TNFRSF21: variants seen among roughly 807,000 people sequenced by gnomAD.
The protein encoded by TNFRSF21 is TNF receptor superfamily member 21.
A neutral mutation model predicts 45.6 loss-of-function variants in TNFRSF21; 19 were observed. The ratio of observed to expected loss-of-function variants is 0.42; its 90% CI spans 0.29 to 0.61. The LOEUF (loss-of-function observed/expected upper bound fraction) is 0.61, where lower values mean the gene tolerates loss of function less well. Ranked by LOEUF, TNFRSF21 falls within the 20% of genes least tolerant of loss-of-function variation. The probability of loss-of-function intolerance (pLI) is 0.23; values close to 1 mark genes in which losing one functional copy is unlikely to be tolerated. For synonymous variants in TNFRSF21, 314 were observed against 335.5 expected (o/e 0.94, Z 0.70); for missense variants, 737 against 851.5 (o/e 0.87, Z 1.67).
At position 47,280,409 on chromosome 6, in the gene TNFRSF21, C is replaced by T. The variant is rs187980338; in HGVS notation, c.1243+3529G>A. 4.6e-4 allele frequency among the ~76,000 whole-genome samples: 70 copies of T among 152,324 alleles called. 1 individual carries two copies. Among genetic ancestry groups the T allele is most frequent in the African/African-American group, 1.7e-3 (69 of 41,576 alleles). On this transcript the variant is annotated intron_variant, in intron 3 of 5. Transcript: ENST00000296861. ...CTGGAATAGCTTTACTAAACAGAAC[C>T]TCTCTTTGTAATAGGATTTTACCCG...
chr6:47,279,517 T>G (rs1762538905), intron 3 of TNFRSF21, among the ~76,000 whole-genome samples: 4 of 152,220 alleles, frequency 2.6e-5, no homozygotes. Context: ...ATCTTTACTT[T>G]TGTTCTTTTG....
rs189648844 is a variant in TNFRSF21, at chr6:47,256,323, A to G, written c.1244-2802T>C. Reference sequence around the variant, plus strand: ...TGGATCGCTTGAGTCCAGGAGTTTGAGACCAGCCTGGGCAACATGGTGAAA... The same window carrying G: ...TGGATCGCTTGAGTCCAGGAGTTTGGGACCAGCCTGGGCAACATGGTGAAA... On this transcript the variant is annotated intron_variant, in intron 3 of 5. Coordinates refer to ENST00000296861, the MANE Select transcript of TNFRSF21 (RefSeq NM_014452.5). 3.3e-3 allele frequency among the ~76,000 whole-genome samples: 498 copies of G among 152,310 alleles called. 14 individuals are homozygous for G. In the East Asian group the frequency reaches 0.084, roughly 26 times the overall value.
chr6:47,253,945 TTC>T (rs1764942060), intron 3 of TNFRSF21, among the ~76,000 whole-genome samples: 1 of 152,182 alleles, frequency 6.6e-6, no homozygotes, highest in African/African-American at 2.4e-5. Flanking sequence ...ACGCATGAAT[TTC>T]TTTTTCCTTC....
chr6:47,286,039 G>C lies in TNFRSF21; in HGVS notation c.653C>G (p.Ser218Cys), dbSNP rs140637027. The change falls in exon 2 of 6, where the codon TCC (serine) becomes TGC (cysteine). Residue 218 changes from serine to cysteine, a missense_variant. Coordinates refer to ENST00000296861, the MANE Select transcript of TNFRSF21 (RefSeq NM_014452.5). ...DNVCGTLPSF[S>C]SSTSPSPGTA... ...GCCAGGGGAAGGTGAGGTGGAGCTG[G>C]AGAAGGACGGGAGTGTGCCACAGAC... 1 of 1,614,102 alleles carries C rather than the reference G, an allele frequency of 6.2e-7. No individual in the cohort carries two copies. The highest frequency in any genetic ancestry group is 1.3e-5 in the African/African-American group (1 of 74,932).
chr6:47,256,215 G>C (rs1240717358), intron 3 of TNFRSF21, among the ~76,000 whole-genome samples: 1 of 152,148 alleles, frequency 6.6e-6, no homozygotes, highest in Non-Finnish European at 1.5e-5. Flanking sequence ...GTAGAAGGCT[G>C]TTTTCCTGTC....
chr6:47,284,019 T>C lies in TNFRSF21; in HGVS notation c.1162A>G (p.Ile388Val). ...KKGPRQDPSAIVEKAGLKKSM... is the reference protein window; with the variant it reads ...KKGPRQDPSAVVEKAGLKKSM... ...TTCTTCAGCCCTGCCTTTTCCACAA[T>C]GGCACTGGGATCCTGCCGGGGCCCC... The change falls in exon 3 of 6, where the codon ATT becomes GTT. Residue 388 changes from isoleucine (I) to valine (V), a missense_variant. Coordinates refer to ENST00000296861, the MANE Select transcript of TNFRSF21 (RefSeq NM_014452.5). 6.2e-7 allele frequency: 1 copy of C among 1,614,184 alleles called. No homozygotes were observed. The highest frequency in any genetic ancestry group is 8.5e-7 in the Non-Finnish European group (1 of 1,180,026).
intron 4 of TNFRSF21, among the ~76,000 whole-genome samples, chr6:47,249,509 T>G (rs910257568): frequency 1.3e-5 from 2 of 152,120 alleles, no homozygotes; most frequent in East Asian, 3.8e-4. Flanking sequence ...AACCTACACA[T>G]AGAAGTATTC....
chr6:47,283,883 T>C (rs897518024), intron 3 of TNFRSF21, 55 bp downstream of exon 3: 14 of 1,558,300 alleles, frequency 9.0e-6, no homozygotes, highest in Non-Finnish European at 1.2e-5. Flanking sequence ...AAACAGGGAC[T>C]AGGGAAAAAG....
chr6:47,281,526 G>A (rs1019355520), intron 3 of TNFRSF21, among the ~76,000 whole-genome samples: 13 of 152,062 alleles, frequency 8.5e-5, no homozygotes, highest in South Asian at 6.2e-4. Flanking sequence ...GACTATAGGC[G>A]TGTGCCACCA....
intron 4 of TNFRSF21, among the ~76,000 whole-genome samples, chr6:47,252,789 C>G (rs1042884340): frequency 6.6e-6 from 1 of 152,230 alleles, no homozygotes; most frequent in Non-Finnish European, 1.5e-5. Context: ...CTGTCATCAA[C>G]TGCCGCTAGC....
Position 47,284,099 on chromosome 6 carries a change from A to G in TNFRSF21, c.1082T>C (p.Val361Ala). ...PWMIVLFLLL[V>A]LVVIVVCSIR... Reference sequence around the variant, plus strand: ...ACTGCACACCACAATCACCACAAGCACCAGCAGCAGGAAAAGCACAATCAT... The same window carrying G: ...ACTGCACACCACAATCACCACAAGCGCCAGCAGCAGGAAAAGCACAATCAT... Residue 361 changes from valine to alanine, a missense_variant, in exon 3 of 6, where the codon GTG becomes GCG. Coordinates refer to ENST00000296861, the MANE Select transcript of TNFRSF21 (RefSeq NM_014452.5). 1 of 1,614,160 alleles carries G rather than the reference A, an allele frequency of 6.2e-7. No individual in the cohort carries two copies. The highest frequency in any genetic ancestry group is 8.5e-7 in the Non-Finnish European group (1 of 1,180,022).
At chr6:47,243,600 T>C (rs1764780872) in intron 4 of TNFRSF21, among the ~76,000 whole-genome samples, 1 of 152,144 alleles carries the variant, frequency 6.6e-6, no homozygotes, top group Non-Finnish European at 1.5e-5. Flanking sequence ...GTAGTTTTAG[T>C]AGAGATGGGG....
chr6:47,232,166 G>A lies in TNFRSF21; in HGVS notation c.*599C>T, dbSNP rs534953111. On this transcript the variant is annotated 3_prime_UTR_variant, in exon 6 of 6. Transcript: ENST00000296861. The stretch of plus-strand genomic sequence containing the variant: ...TGAACTATACAAGACATATTTAAAA[G>A]ATAACTCAAAGTTGAATTGCATTAC... The A allele has an allele frequency of 6.5e-6, 1 of 152,716 alleles. No homozygotes were observed. Among genetic ancestry groups the A allele is most frequent in the South Asian group, 2.1e-4 (1 of 4,832 alleles). 9.5% of individuals were successfully genotyped at this position (152,716 alleles called of 1,614,324 possible).
rs942370797 is a variant in TNFRSF21, at chr6:47,239,430, C to T, written c.1510-4532G>A. Among the ~76,000 whole-genome samples the T allele has an allele frequency of 5.9e-5, 9 of 152,240 alleles. No homozygotes were observed. The East Asian group carries it at 1.2e-3, about 20-fold the overall frequency. ...GGAGGTTGCAGTATTCCCCTAGCCC[C>T]GGGGATGGCAGAGCCATGGATGGTA... On this transcript the variant is annotated intron_variant, in intron 4 of 5. Transcript: ENST00000296861.
At chr6:47,288,517 C>A (rs1466998745) in intron 1 of TNFRSF21, among the ~76,000 whole-genome samples, 1 of 151,718 alleles carries the variant, frequency 6.6e-6, no homozygotes, top group African/African-American at 2.4e-5. Context: ...TCTGTATACC[C>A]TTTTTAGTGT....
chr6:47,265,559 T>TA (rs2113855539), intron 3 of TNFRSF21, among the ~76,000 whole-genome samples: 1 of 152,308 alleles, frequency 6.6e-6, no homozygotes, highest in South Asian at 2.1e-4. Flanking sequence ...TTGGGGAAGT[T>TA]ACTCTTCAAA....
chr6:47,286,846 T>TC (rs1762656627), intron 1 of TNFRSF21, among the ~76,000 whole-genome samples: 1 of 152,146 alleles, frequency 6.6e-6, no homozygotes, highest in Non-Finnish European at 1.5e-5. Flanking sequence ...TGCCTCAGCT[T>TC]CCTTTTTTTC....
rs1764751188 is a variant in TNFRSF21, at chr6:47,241,932, CA to C, written c.1510-7035del. On this transcript the variant is annotated intron_variant, in intron 4 of 5. Transcript: ENST00000296861. ...CCATTGCATAAGTAGGGAACAGCAC[CA>C]ACACTTAAATCTAAATTGTCAATTG... Among the ~76,000 whole-genome samples, 5 of 152,172 alleles carry C rather than the reference CA, an allele frequency of 3.3e-5. No homozygotes were observed. The South Asian group carries it at 6.2e-4, about 19-fold the overall frequency.
chr6:47,241,994 C>T (rs1026559404), intron 4 of TNFRSF21, among the ~76,000 whole-genome samples: 2 of 152,148 alleles, frequency 1.3e-5, no homozygotes, highest in Admixed American at 1.3e-4. Flanking sequence ...CTGTCTAGAG[C>T]TCCCTGGGAT....
Sources: gnomAD v4.1 joint callset for allele counts (sites outside exome capture counted in the v4.1 genomes callset) on GRCh38, gnomAD v4.1.1 for gene constraint, MANE v1.5 for transcripts, NCBI Gene and HGNC (gene_info 2026-07-23, HGNC 2026-07-21) for gene names.